CNOT1: variants seen among roughly 807,000 people sequenced by gnomAD.
CNOT1 encodes the protein CCR4-NOT transcription complex subunit 1, also known as CCR4-associated factor 1.
A neutral mutation model predicts 273.8 loss-of-function variants in CNOT1; 15 were observed. The ratio of observed to expected loss-of-function variants is 0.05; its 90% CI spans 0.04 to 0.08. CNOT1 has a LOEUF of 0.08. Ranked by LOEUF, CNOT1 falls within the 10% of genes least tolerant of loss-of-function variation. The probability of loss-of-function intolerance (pLI) is 1.00; values close to 1 mark genes in which losing one functional copy is unlikely to be tolerated. For missense variants in CNOT1, 1,644 were observed against 2,912.2 expected, an observed-to-expected ratio of 0.56 and a Z score of 10.02; for synonymous variants, 1,022 against 1,005.5, an observed-to-expected ratio of 1.02 and a Z score of -0.31.
intron 33 of CNOT1, 137 bp from the exon 34 acceptor site, chr16:58,541,757 C>CTGTTAT: frequency 1.3e-6 from 1 of 756,906 alleles, no homozygotes; most frequent in Non-Finnish European, 2.1e-6. Context: ...ATTAAGCATG[C>CTGTTAT]ACGCACACAC....
At chr16:58,603,308 CT>C (rs2042539448) in intron 1 of CNOT1, among the ~76,000 whole-genome samples, 1 of 152,094 alleles carries the variant, frequency 6.6e-6, no homozygotes. Flanking sequence ...GGCAGGAGGA[CT>C]GCTTGAACGC....
At chr16:58,624,587 T>C (rs1330707963) in intron 1 of CNOT1, 1 of 152,048 alleles carries the variant, frequency 6.6e-6, no homozygotes, top group Non-Finnish European at 1.5e-5. Context: ...GATCACAAGG[T>C]CAGGAGTTCG....
intron 35 of CNOT1, 88 bp from the exon 36 acceptor site, chr16:58,539,002 T>C: frequency 8.5e-6 from 13 of 1,521,694 alleles, no homozygotes; most frequent in Non-Finnish European, 1.1e-5. Context: ...CAATGCCAAG[T>C]ACCAAATACC....
At position 58,541,551 on chromosome 16, in the gene CNOT1, G is replaced by C. The variant is rs1455883347; in HGVS notation, c.4750C>G (p.Pro1584Ala). The C allele has an allele frequency of 6.2e-7, 1 of 1,614,026 alleles. No homozygotes were observed. Among genetic ancestry groups the C allele is most frequent in the Non-Finnish European group, 8.5e-7 (1 of 1,179,894 alleles). ...EFARNVPGFLPTNDLSQPTGF... is the reference protein window; with the variant it reads ...EFARNVPGFLATNDLSQPTGF... ...GTGGGCTGACTTAAGTCATTTGTAGGTAAGAAGCCAGGAACATTGCGTGCA... is the reference window on the plus strand; with the variant it reads ...GTGGGCTGACTTAAGTCATTTGTAGCTAAGAAGCCAGGAACATTGCGTGCA... Residue 1584 changes from proline (P) to alanine (A), a missense_variant, in exon 34 of 49, where the codon CCT becomes GCT. Coordinates refer to ENST00000317147, the MANE Select transcript of CNOT1 (RefSeq NM_016284.5).
At chr16:58,549,376 T>TG (rs1380049197) in intron 25 of CNOT1, among the ~76,000 whole-genome samples, 2 of 141,708 alleles carry the variant, frequency 1.4e-5, no homozygotes, top group Non-Finnish European at 3.1e-5. Flanking sequence ...AAAAAGTAAG[T>TG]GAAAAAAAAA....
At position 58,549,701 on chromosome 16, in the gene CNOT1, A is replaced by T. The variant is rs1284579746; in HGVS notation, c.3522+18T>A. 1 of 1,576,440 alleles carries T rather than the reference A, an allele frequency of 6.3e-7. No homozygotes were observed. Among genetic ancestry groups the T allele is most frequent in the Admixed American group, 2.1e-5 (1 of 48,644 alleles). On this transcript the variant is annotated intron_variant, in intron 25 of 48. Transcript: ENST00000317147. ...ATTCAAAGCAATAATTAAAGGAAATATAAGAACCAACTCTTACTTTAATGT... is the reference window on the plus strand; with the variant it reads ...ATTCAAAGCAATAATTAAAGGAAATTTAAGAACCAACTCTTACTTTAATGT...
chr16:58,576,517 C>T lies in CNOT1; in HGVS notation c.1650G>A (p.Glu550=), dbSNP rs778520371. ...GAGACAATTTGGCCTGATCATACTG[C>T]TCCCCTCTCATGTACCATTCTGCCA... is the stretch of plus-strand genomic sequence containing the variant. ...HAMAEWYMRG[E]QYDQAKLSRI... is the part of the protein sequence containing the mutation. Residue 550 remains glutamate, a synonymous_variant, in exon 14 of 49, where the codon GAG becomes GAA. Coordinates refer to ENST00000317147, the MANE Select transcript of CNOT1 (RefSeq NM_016284.5). The T allele has an allele frequency of 6.2e-7, 1 of 1,614,202 alleles. No homozygotes were observed. Among genetic ancestry groups the T allele is most frequent in the South Asian group, 1.1e-5 (1 of 91,084 alleles).
chr16:58,574,478 G>A (rs2041393679), intron 16 of CNOT1, 131 bp downstream of exon 16: 2 of 821,558 alleles, frequency 2.4e-6, no homozygotes, highest in Non-Finnish European at 3.6e-6. Context: ...AAATAGTATA[G>A]GACTTTGGAC....
At chr16:58,545,537 A>G (rs775040352) in intron 29 of CNOT1, 46 bp from the exon 30 acceptor site, 3 of 1,607,604 alleles carry the variant, frequency 1.9e-6, no homozygotes, top group Non-Finnish European at 2.5e-6. Flanking sequence ...ACATTTGTTG[A>G]CTTTATTATA....
At chr16:58,620,517 C>T (rs2043267512) in intron 1 of CNOT1, among the ~76,000 whole-genome samples, 1 of 151,860 alleles carries the variant, frequency 6.6e-6, no homozygotes, top group Non-Finnish European at 1.5e-5. Context: ...GTGGCAGGCA[C>T]CTGTAATCCC....
Position 58,589,021 on chromosome 16 carries a change from T to C in CNOT1, c.103-115A>G. The C allele has an allele frequency of 2.3e-6, 3 of 1,281,622 alleles. No individual in the cohort carries two copies. In the South Asian group the frequency reaches 4.5e-5, roughly 19 times the overall value. 79.4% of individuals were successfully genotyped at this position (1,281,622 alleles called of 1,614,324 possible). A position where few individuals can be genotyped will look rare whatever the true frequency, so the allele number is the denominator to read the frequency against. Reference sequence around the variant, plus strand: ...CAAAATTCCAATTTACATTAGTTACTCATTTTTGAATTAAAGTTAAAGGAA... The same window carrying C: ...CAAAATTCCAATTTACATTAGTTACCCATTTTTGAATTAAAGTTAAAGGAA... On this transcript the variant is annotated intron_variant, in intron 2 of 48. Transcript: ENST00000317147.
At chr16:58,567,551 C>A (rs1311551554) in intron 16 of CNOT1, among the ~76,000 whole-genome samples, 56 of 111,622 alleles carry the variant, frequency 5.0e-4, no homozygotes, top group Middle Eastern at 4.4e-3. Context: ...GACATCATCT[C>A]AAAAAAAAAA....
In CNOT1 at chr16:58,560,231, T is replaced by C; in HGVS notation, c.2111A>G (p.Asp704Gly). The change falls in exon 17 of 49, where the codon GAT becomes GGT. Residue 704 changes from aspartate to glycine, a missense_variant. Coordinates refer to ENST00000317147, the MANE Select transcript of CNOT1 (RefSeq NM_016284.5). ...ATTTACCTGAACAGGAGAAATGGCA[T>C]CTAAGCTGCTAGCACTAGGAGGACG... ...KGRPPSASSL[D>G]AISPVQIDPL... 2.5e-6 allele frequency: 4 copies of C among 1,614,080 alleles called. No homozygotes were observed. The highest frequency in any genetic ancestry group is 3.4e-6 in the Non-Finnish European group (4 of 1,179,972).
At chr16:58,603,014 A>G (rs2152015794) in intron 1 of CNOT1, among the ~76,000 whole-genome samples, 1 of 152,280 alleles carries the variant, frequency 6.6e-6, no homozygotes, top group African/African-American at 2.4e-5. Context: ...GCCAATACCT[A>G]TAGCCAAAAC....
Position 58,551,876 on chromosome 16 carries a change from C to T in CNOT1, c.2971-57G>A, listed in dbSNP as rs576101424. On this transcript the variant is annotated intron_variant, in intron 22 of 48. Coordinates refer to ENST00000317147, the MANE Select transcript of CNOT1 (RefSeq NM_016284.5). The stretch of plus-strand genomic sequence containing the variant: ...CCTTAATTGCTAAGTCTGGATTATA[C>T]GTCCCTCTTTTCTGAGAGGGTAAAA... The T allele has an allele frequency of 2.1e-5, 33 of 1,593,562 alleles. No homozygotes were observed. The Admixed American group carries it at 3.1e-4, about 15-fold the overall frequency.
At chr16:58,543,220 TG>T in intron 31 of CNOT1, 1 of 1,521,704 alleles carries the variant, frequency 6.6e-7, no homozygotes, top group Non-Finnish European at 8.8e-7. Flanking sequence ...GTGAATTATT[TG>T]AAAAGTGTGT....
intron 36 of CNOT1, 42 bp from the exon 37 acceptor site, chr16:58,538,308 T>C (rs750494908): frequency 1.1e-6 from 1 of 879,564 alleles, no homozygotes. Context: ...GGCTTAACCA[T>C]ACTGTAAAAG....
chr16:58,608,930 T>TAA (rs1319984281), intron 1 of CNOT1, among the ~76,000 whole-genome samples: 1 of 152,154 alleles, frequency 6.6e-6, no homozygotes, highest in East Asian at 1.9e-4. Flanking sequence ...TGCAAAGGCG[T>TAA]AAGAATGACA....
intron 1 of CNOT1, among the ~76,000 whole-genome samples, chr16:58,626,423 A>G (rs973051687): frequency 6.6e-6 from 1 of 151,154 alleles, no homozygotes; most frequent in African/African-American, 2.4e-5. Context: ...AAAAAAAAAA[A>G]AAAAAAAAGA....
Sources: gnomAD v4.1 joint callset for allele counts (sites outside exome capture counted in the v4.1 genomes callset) on GRCh38, gnomAD v4.1.1 for gene constraint, MANE v1.5 for transcripts, NCBI Gene and HGNC (gene_info 2026-07-23, HGNC 2026-07-21) for gene names.